HSD17B12: variants seen among roughly 807,000 people sequenced by gnomAD.
HSD17B12 encodes hydroxysteroid 17-beta dehydrogenase 12.
Under a neutral mutation model 39.3 loss-of-function variants are expected in HSD17B12, and 32 were observed. The observed-to-expected ratio is 0.81, with a 90% CI of 0.61 to 1.09. The LOEUF is 1.09. Among genes scored for constraint, HSD17B12 ranks in the 50% least tolerant of loss-of-function variants. The pLI, the probability that HSD17B12 is intolerant of heterozygous loss-of-function variation, is 0.00. For synonymous variants in HSD17B12, 150 were observed against 146.7 expected (o/e 1.02, Z -0.16); for missense variants, 342 against 382.9 (o/e 0.89, Z 0.89).
At chr11:43,672,990 G>C in the HSD17B12 span, 1 of 151,994 alleles carries the variant, frequency 6.6e-6, no homozygotes, top group African/African-American at 2.4e-5. Flanking sequence ...TTTTAACCCA[G>C]GATTGGACAA....
At chr11:43,569,753 C>G in the HSD17B12 span, 1 of 152,660 alleles carries the variant, frequency 6.6e-6, no homozygotes, top group African/African-American at 2.4e-5. Context: ...TCCCTTTCCT[C>G]TTGCTTGTTG....
At position 43,745,274 on chromosome 11, in the gene HSD17B12, G is replaced by A. The variant is rs11037595; in HGVS notation, c.161-5637G>A. On this transcript the variant is annotated intron_variant, in intron 1 of 10. Coordinates refer to ENST00000278353, the MANE Select transcript of HSD17B12 (RefSeq NM_016142.3). Reference sequence around the variant, plus strand: ...AGTTGGCAATTTTAAACATGGATACGCACATGCAACAGTTATCTGTATTCT... The same window carrying A: ...AGTTGGCAATTTTAAACATGGATACACACATGCAACAGTTATCTGTATTCT... Among the ~76,000 whole-genome samples, 1,104 of 152,282 alleles carry A rather than the reference G, an allele frequency of 7.2e-3. 9 individuals carry two copies. Among genetic ancestry groups the A allele is most frequent in the East Asian group, 0.045 (232 of 5,188 alleles).
the HSD17B12 span, among the ~76,000 whole-genome samples, chr11:43,557,240 G>T: frequency 7.2e-5 from 11 of 152,344 alleles, no homozygotes; most frequent in East Asian, 2.1e-3. Context: ...GTGTTCTGTG[G>T]TTTGGGGGTG....
intron 3 of HSD17B12, among the ~76,000 whole-genome samples, chr11:43,778,483 T>G (rs1264943149): frequency 3.3e-5 from 5 of 151,752 alleles, no homozygotes; most frequent in Non-Finnish European, 5.9e-5. Flanking sequence ...TAACTCATTT[T>G]ATGAGGCCAG....
intron 1 of HSD17B12, among the ~76,000 whole-genome samples, chr11:43,746,600 C>CT (rs941284225): frequency 2.6e-5 from 4 of 152,110 alleles, no homozygotes; most frequent in African/African-American, 9.7e-5. Flanking sequence ...TTACAGCTAA[C>CT]TTTTTTCCTG....
intron 4 of HSD17B12, among the ~76,000 whole-genome samples, chr11:43,814,127 T>C (rs1951099037): frequency 6.6e-6 from 1 of 152,034 alleles, no homozygotes; most frequent in African/African-American, 2.4e-5. Flanking sequence ...TTATTAAACA[T>C]TGTTATGAGA....
At chr11:43,846,520 C>A (rs1749801550) in intron 9 of HSD17B12, among the ~76,000 whole-genome samples, 1 of 152,108 alleles carries the variant, frequency 6.6e-6, no homozygotes, top group African/African-American at 2.4e-5. Flanking sequence ...AAAAATTAGC[C>A]AGGTGTGGTG....
chr11:43,663,055 TTTGAGAGACAGGGTC>T, the HSD17B12 span, among the ~76,000 whole-genome samples: 134,920 of 152,106 alleles, frequency 0.89, 61,312 homozygotes, highest in Non-Finnish European at 0.98. Flanking sequence ...AAAAAATTTT[TTTGAGAGACAGGGTC>T]TTGCCTTGTT....
chr11:43,803,441 A>G (rs1378094696), intron 4 of HSD17B12, among the ~76,000 whole-genome samples: 1 of 152,202 alleles, frequency 6.6e-6, no homozygotes, highest in Non-Finnish European at 1.5e-5. Context: ...GATTTCTAGT[A>G]AGACCTAGGA....
At chr11:43,641,004 T>G in the HSD17B12 span, 1 of 151,970 alleles carries the variant, frequency 6.6e-6, no homozygotes, top group African/African-American at 2.4e-5. Context: ...TTTTTGGATA[T>G]TCTTTTAAAG....
In HSD17B12 at chr11:43,831,272, A is replaced by G; in HGVS notation, c.536+262A>G. The G allele has an allele frequency of 7.7e-6, 2 of 259,232 alleles. No homozygotes were observed. Among genetic ancestry groups the G allele is most frequent in the Non-Finnish European group, 1.5e-5 (2 of 137,080 alleles). 16.1% of individuals were successfully genotyped at this position (259,232 alleles called of 1,614,324 possible). ...CAGGATGAAAAAGCCTGCCTGAGTC[A>G]CCATCACTAACTCAATTGCCTACTA... On this transcript the variant is annotated intron_variant, in intron 7 of 10. Coordinates refer to ENST00000278353, the MANE Select transcript of HSD17B12 (RefSeq NM_016142.3). This position sits in a 1 kb window ranked among gnomAD's most constrained non-coding sequence, Gnocchi z 4.1.
At chr11:43,594,513 T>C in the HSD17B12 span, among the ~76,000 whole-genome samples, 1 of 151,774 alleles carries the variant, frequency 6.6e-6, no homozygotes, top group Non-Finnish European at 1.5e-5. Flanking sequence ...TGAACTGATT[T>C]GGTTTTCTTT....
chr11:43,720,778 TAAC>T (rs1950169157), intron 1 of HSD17B12, among the ~76,000 whole-genome samples: 1 of 151,966 alleles, frequency 6.6e-6, no homozygotes, highest in East Asian at 1.9e-4. Flanking sequence ...GGTGAGAAGT[TAAC>T]AAGTGGTAGC....
chr11:43,628,281 T>A, the HSD17B12 span, among the ~76,000 whole-genome samples: 2 of 152,078 alleles, frequency 1.3e-5, no homozygotes, highest in African/African-American at 4.8e-5. Context: ...CACTTTCCAC[T>A]GTCACTATTG....
At chr11:43,741,211 T>G (rs1041626063) in intron 1 of HSD17B12, among the ~76,000 whole-genome samples, 1 of 152,230 alleles carries the variant, frequency 6.6e-6, no homozygotes, top group African/African-American at 2.4e-5. Flanking sequence ...ATTCATATGT[T>G]TTTTACACTA....
intron 1 of HSD17B12, among the ~76,000 whole-genome samples, chr11:43,703,549 G>A (rs145784957): frequency 6.6e-6 from 1 of 152,062 alleles, no homozygotes; most frequent in Non-Finnish European, 1.5e-5. Context: ...TCCAATCCTG[G>A]GCTTTTCTTT....
chr11:43,558,128 T>C, the HSD17B12 span, among the ~76,000 whole-genome samples: 1 of 152,100 alleles, frequency 6.6e-6, no homozygotes, highest in Non-Finnish European at 1.5e-5. Flanking sequence ...GGTTTTTTAA[T>C]CTGGGTAAAT....
intron 3 of HSD17B12, chr11:43,755,058 C>T: frequency 4.7e-6 from 2 of 423,986 alleles, no homozygotes; most frequent in Non-Finnish European, 8.4e-6. Context: ...CTTTTATCCT[C>T]ACAAATCAAA....
chr11:43,845,434 A>G (rs1951466069), intron 9 of HSD17B12, among the ~76,000 whole-genome samples: 1 of 151,502 alleles, frequency 6.6e-6, no homozygotes, highest in Non-Finnish European at 1.5e-5. Flanking sequence ...AAAGAATGCA[A>G]TCTAGGATCA....
Sources: gnomAD v4.1 joint callset for allele counts (sites outside exome capture counted in the v4.1 genomes callset) on GRCh38, gnomAD v4.1.1 for gene constraint, Gnocchi (gnomAD v3.1) non-coding constraint, MANE v1.5 for transcripts, NCBI Gene and HGNC (gene_info 2026-07-23, HGNC 2026-07-21) for gene names.